Variants in FAF1 observed in about 807,000 individuals in gnomAD.
The protein encoded by FAF1 is FAS-associated factor 1.
Under a neutral mutation model 92.5 loss-of-function variants are expected in FAF1, and 25 were observed. The ratio of observed to expected loss-of-function variants is 0.27; its 90% CI spans 0.20 to 0.38. The LOEUF (loss-of-function observed/expected upper bound fraction) is 0.38, where lower values mean the gene tolerates loss of function less well. Among genes scored for constraint, FAF1 ranks in the 10% least tolerant of loss-of-function variants. The pLI is 1.00. For synonymous variants in FAF1, 234 were observed against 273.2 expected (o/e 0.86, Z 1.42); for missense variants, 636 against 793.3 (o/e 0.80, Z 2.38).
intron 13 of FAF1, among the ~76,000 whole-genome samples, chr1:50,540,023 G>A (rs1648687338): frequency 1.3e-5 from 2 of 152,054 alleles, no homozygotes; most frequent in South Asian, 4.2e-4. Flanking sequence ...CCAGGCTGGA[G>A]TGCAGTGTTG....
chr1:50,665,758 T>A (rs1447776975), intron 7 of FAF1, among the ~76,000 whole-genome samples: 1 of 152,214 alleles, frequency 6.6e-6, no homozygotes, highest in African/African-American at 2.4e-5. Flanking sequence ...GGAAGAATAT[T>A]TGGTTATATA....
chr1:50,751,303 C>G (rs539791304), intron 4 of FAF1, among the ~76,000 whole-genome samples: 1 of 151,972 alleles, frequency 6.6e-6, no homozygotes, highest in South Asian at 2.1e-4. Flanking sequence ...AGTGCTAGGG[C>G]CATTCAGCAC....
At chr1:50,556,906 T>C (rs1649614054) in intron 13 of FAF1, among the ~76,000 whole-genome samples, 1 of 152,012 alleles carries the variant, frequency 6.6e-6, no homozygotes, top group South Asian at 2.1e-4. Context: ...AAATCAGTTT[T>C]CTTTAAGAAC....
chr1:50,561,961 T>C (rs1415967207), intron 13 of FAF1, among the ~76,000 whole-genome samples: 1 of 152,058 alleles, frequency 6.6e-6, no homozygotes, highest in Non-Finnish European at 1.5e-5. Flanking sequence ...AGCAGGGAGA[T>C]AGACAATGAC....
intron 6 of FAF1, among the ~76,000 whole-genome samples, chr1:50,713,357 T>C (rs1249885237): frequency 2.6e-5 from 4 of 151,900 alleles, no homozygotes; most frequent in Admixed American, 6.6e-5. Context: ...CACTGCAACC[T>C]CCGCCTCCCA....
chr1:50,523,169 T>C lies in FAF1; in HGVS notation c.1494+12200A>G, dbSNP rs543192404. 3.3e-5 allele frequency among the ~76,000 whole-genome samples: 5 copies of C among 152,360 alleles called. No homozygotes were observed. In the South Asian group the frequency reaches 8.3e-4, roughly 25 times the overall value. ...ATATTTTTATCCATTAATCTGTTGA[T>C]AGATATTTGGATTATTTCCACTTTT... On this transcript the variant is annotated intron_variant, in intron 15 of 18. Coordinates refer to ENST00000396153, the MANE Select transcript of FAF1 (RefSeq NM_007051.3).
intron 2 of FAF1, among the ~76,000 whole-genome samples, chr1:50,840,317 C>A (rs1416150136): frequency 6.6e-6 from 1 of 151,724 alleles, no homozygotes. Context: ...ATGAAATGGC[C>A]GGCCACATAC....
At chr1:50,487,521 T>C (rs1488294587) in intron 17 of FAF1, among the ~76,000 whole-genome samples, 2 of 152,194 alleles carry the variant, frequency 1.3e-5, no homozygotes, top group Non-Finnish European at 2.9e-5. Flanking sequence ...AGTACATATA[T>C]AAATTAATAA....
At chr1:50,513,237 T>C (rs973907434) in intron 15 of FAF1, among the ~76,000 whole-genome samples, 30 of 152,138 alleles carry the variant, frequency 2.0e-4, no homozygotes, top group Non-Finnish European at 4.3e-4. Context: ...CCCAGCACTT[T>C]GGGAGGCCAA....
chr1:50,474,076 A>C (rs761011681), intron 18 of FAF1, among the ~76,000 whole-genome samples: 5 of 152,218 alleles, frequency 3.3e-5, no homozygotes, highest in Non-Finnish European at 7.3e-5. Flanking sequence ...ATGATAGGAA[A>C]ATTAACACTT....
intron 15 of FAF1, among the ~76,000 whole-genome samples, chr1:50,502,444 G>T (rs1197481727): frequency 6.6e-6 from 1 of 152,180 alleles, no homozygotes; most frequent in Non-Finnish European, 1.5e-5. Context: ...CACATACAGG[G>T]TTGTATCAAA....
rs372010530 is a variant in FAF1, at chr1:50,857,910, G to C, written c.114+19C>G. ...TCATAAAATTTGATTACTCATCAGA[G>C]AAAGAAAAAAGTACTTACCACTAAG... On this transcript the variant is annotated intron_variant, in intron 2 of 18. Transcript: ENST00000396153. 3.6e-5 allele frequency: 55 copies of C among 1,521,248 alleles called. No individual in the cohort carries two copies. The African/African-American group carries it at 7.5e-4, about 21-fold the overall frequency. 94.2% of individuals were successfully genotyped at this position (1,521,248 alleles called of 1,614,324 possible).
intron 8 of FAF1, among the ~76,000 whole-genome samples, chr1:50,620,553 T>C (rs886592078): frequency 2.6e-5 from 4 of 152,222 alleles, no homozygotes; most frequent in African/African-American, 7.2e-5. Context: ...GTGTCTGTCA[T>C]TGCAGTCATT....
chr1:50,601,882 CTG>C (rs1652153684), intron 8 of FAF1, among the ~76,000 whole-genome samples: 1 of 152,008 alleles, frequency 6.6e-6, no homozygotes, highest in African/African-American at 2.4e-5. Context: ...TGCTTGCAGT[CTG>C]TCTTTTTTTC....
At chr1:50,858,122 C>T in intron 1 of FAF1, 125 bp from the exon 2 acceptor site, 1 of 559,882 alleles carries the variant, frequency 1.8e-6, no homozygotes, top group Non-Finnish European at 3.1e-6. Flanking sequence ...AAAGCCAAAA[C>T]ACTAAAAGTT....
At chr1:50,773,855 G>C (rs1171476280) in intron 4 of FAF1, among the ~76,000 whole-genome samples, 1 of 151,988 alleles carries the variant, frequency 6.6e-6, no homozygotes, top group Non-Finnish European at 1.5e-5. Flanking sequence ...ACAAAGAAAT[G>C]GTAAGTATAT....
At chr1:50,463,323 A>G (rs921688829) in intron 18 of FAF1, among the ~76,000 whole-genome samples, 1 of 152,226 alleles carries the variant, frequency 6.6e-6, no homozygotes, top group East Asian at 1.9e-4. Flanking sequence ...GACTTTGCCC[A>G]TGTACCTTTT....
At chr1:50,774,776 C>T (rs150111962) in intron 4 of FAF1, among the ~76,000 whole-genome samples, 19 of 152,076 alleles carry the variant, frequency 1.2e-4, no homozygotes, top group Non-Finnish European at 2.6e-4. Flanking sequence ...TACAATAATC[C>T]CTACCCTCAA....
At chr1:50,675,844 G>T (rs1656094109) in intron 7 of FAF1, among the ~76,000 whole-genome samples, 1 of 152,146 alleles carries the variant, frequency 6.6e-6, no homozygotes, top group African/African-American at 2.4e-5. Flanking sequence ...TATCAATAAG[G>T]TATAAGAGGC....
Sources: allele counts gnomAD v4.1 joint callset (sites outside exome capture counted in the v4.1 genomes callset), GRCh38; gene constraint gnomAD v4.1.1; transcripts MANE v1.5; gene names NCBI Gene and HGNC (gene_info 2026-07-23, HGNC 2026-07-21).